Variants in SLC43A2 observed in about 807,000 individuals in gnomAD.
SLC43A2 encodes large neutral amino acids transporter small subunit 4.
SLC43A2 carries 38 observed loss-of-function variants against 63.2 expected under a neutral mutation model. The observed-to-expected ratio is 0.60, with a 90% CI of 0.46 to 0.79. The LOEUF (loss-of-function observed/expected upper bound fraction) is 0.79. Among genes scored for constraint, SLC43A2 ranks in the 30% least tolerant of loss-of-function variants. The pLI is 0.00. For synonymous variants in SLC43A2, 322 were observed against 331.0 expected, an observed-to-expected ratio of 0.97 and a Z score of 0.30; for missense variants, 644 against 756.2, an observed-to-expected ratio of 0.85 and a Z score of 1.74.
chr17:1,578,445 C>A lies in SLC43A2; in HGVS notation c.1351-122G>T. On this transcript the variant is annotated intron_variant, in intron 11 of 13. Transcript: ENST00000301335. This position sits in a 1 kb window ranked among gnomAD's most constrained non-coding sequence, Gnocchi z 6.5. The stretch of plus-strand genomic sequence containing the variant: ...GTGTCAGCCTGGAGTTGGATCAACC[C>A]CATCCTCCGGAGCCAATTGTGAATT... 1.2e-6 allele frequency: 1 copy of A among 858,128 alleles called. No individual in the cohort carries two copies. The highest frequency in any genetic ancestry group is 1.7e-5 in the South Asian group (1 of 57,278). 53.2% of individuals were successfully genotyped at this position (858,128 alleles called of 1,614,324 possible).
In SLC43A2 at chr17:1,570,493, T is replaced by C. The variant is rs1228136505; in HGVS notation, c.*5111A>G. The C allele has an allele frequency of 5.3e-5, 8 of 151,136 alleles. 1 individual carries two copies. Among genetic ancestry groups the C allele is most frequent in the Non-Finnish European group, 1.5e-5 (1 of 67,776 alleles). 9.4% of individuals were successfully genotyped at this position (151,136 alleles called of 1,614,324 possible). ...TGAAAACGATGCTACCATTGTTTTT[T>C]TTTTTTTTTTTGAGACGGAGTCTCG... On this transcript the variant is annotated 3_prime_UTR_variant, in exon 14 of 14. Coordinates refer to ENST00000301335, the MANE Select transcript of SLC43A2 (RefSeq NM_152346.3).
chr17:1,620,631 C>CG (rs935144398), intron 2 of SLC43A2, among the ~76,000 whole-genome samples: 8 of 152,058 alleles, frequency 5.3e-5, no homozygotes, highest in African/African-American at 1.9e-4. Flanking sequence ...GCAACAGAGG[C>CG]GCCTGGGGCC....
intron 9 of SLC43A2, among the ~76,000 whole-genome samples, chr17:1,588,628 C>G (rs1487961344): frequency 4.3e-5 from 6 of 140,316 alleles, no homozygotes; most frequent in African/African-American, 1.6e-4. Flanking sequence ...GCTCAGGAGT[C>G]GGAGGCCGTG....
At chr17:1,576,477 A>G in intron 13 of SLC43A2, 120 bp downstream of exon 13, 2 of 1,170,800 alleles carry the variant, frequency 1.7e-6, no homozygotes, top group Non-Finnish European at 2.4e-6. Context: ...CTCTTAACCA[A>G]TCCTAACCAA....
intron 11 of SLC43A2, among the ~76,000 whole-genome samples, chr17:1,580,373 C>T (rs914319893): frequency 1.3e-5 from 2 of 152,184 alleles, no homozygotes; most frequent in Non-Finnish European, 2.9e-5. Flanking sequence ...TGCTGACAGA[C>T]GTGTATGGGC....
intron 9 of SLC43A2, among the ~76,000 whole-genome samples, chr17:1,589,728 T>G (rs1242349122): frequency 6.6e-6 from 1 of 152,106 alleles, no homozygotes; most frequent in Non-Finnish European, 1.5e-5. Context: ...CAAGCAATTC[T>G]CTGCTTCAGC....
intron 1 of SLC43A2, 45 bp downstream of exon 1, chr17:1,628,749 C>G (rs1908929224): frequency 6.6e-6 from 1 of 152,296 alleles, no homozygotes; most frequent in Non-Finnish European, 1.5e-5. Context: ...GCTTCTGCCC[C>G]CGCGCCCTCG....
intron 2 of SLC43A2, among the ~76,000 whole-genome samples, chr17:1,618,480 C>T (rs1420684613): frequency 6.6e-6 from 1 of 152,162 alleles, no homozygotes; most frequent in Non-Finnish European, 1.5e-5. Flanking sequence ...TTGGAGGCTC[C>T]GGCGGGGAAT....
intron 5 of SLC43A2, among the ~76,000 whole-genome samples, chr17:1,603,512 C>T (rs141105339): frequency 1.6e-4 from 24 of 152,098 alleles, no homozygotes; most frequent in African/African-American, 5.1e-4. Context: ...AGGCCGGGCG[C>T]GGTGGCTCAC....
chr17:1,589,861 C>G (rs1360177733), intron 9 of SLC43A2, among the ~76,000 whole-genome samples: 1 of 152,174 alleles, frequency 6.6e-6, no homozygotes, highest in African/African-American at 2.4e-5. Context: ...CCTCATGATC[C>G]ACCTGCCTCA....
chr17:1,619,498 G>C (rs997952610), intron 2 of SLC43A2, among the ~76,000 whole-genome samples: 1 of 152,150 alleles, frequency 6.6e-6, no homozygotes, highest in Non-Finnish European at 1.5e-5. Flanking sequence ...CTTTCTCTCG[G>C]TTTTCCAAAA....
At chr17:1,627,657 G>T in intron 2 of SLC43A2, 58 bp downstream of exon 2, 2 of 292,160 alleles carry the variant, frequency 6.8e-6, no homozygotes, top group Non-Finnish European at 5.6e-6. Context: ...CCCCCATCCC[G>T]CCCCCTCCCA....
Position 1,578,193 on chromosome 17 carries a change from C to T in SLC43A2, c.1424+57G>A. 2 of 1,562,396 alleles carry T rather than the reference C, an allele frequency of 1.3e-6. No homozygotes were observed. The highest frequency in any genetic ancestry group is 1.4e-5 in the African/African-American group (1 of 74,044). ...GAGTCTCAGTCCCACCAGCAACCTC[C>T]CCCCGGCCATTCCCACACCCTCGCC... On this transcript the variant is annotated intron_variant, in intron 12 of 13. Coordinates refer to ENST00000301335, the MANE Select transcript of SLC43A2 (RefSeq NM_152346.3). This position sits in a 1 kb window ranked among gnomAD's most constrained non-coding sequence, Gnocchi z 6.5.
intron 5 of SLC43A2, among the ~76,000 whole-genome samples, chr17:1,601,378 T>C (rs1906003149): frequency 6.6e-6 from 1 of 151,956 alleles, no homozygotes; most frequent in Non-Finnish European, 1.5e-5. Flanking sequence ...GATCCCGAGA[T>C]GGCTAATAAG....
chr17:1,614,535 C>T (rs145433391), intron 4 of SLC43A2, among the ~76,000 whole-genome samples: 5 of 152,256 alleles, frequency 3.3e-5, no homozygotes, highest in Non-Finnish European at 7.4e-5. Flanking sequence ...TTTGGTGAAA[C>T]TCGAGTCCTC....
intron 2 of SLC43A2, among the ~76,000 whole-genome samples, chr17:1,627,301 C>T (rs1292526271): frequency 6.6e-6 from 1 of 152,198 alleles, no homozygotes; most frequent in African/African-American, 2.4e-5. Flanking sequence ...ACTTCCTCTC[C>T]TGCTGCACCC....
intron 9 of SLC43A2, among the ~76,000 whole-genome samples, chr17:1,587,226 G>A (rs2151039508): frequency 6.6e-6 from 1 of 152,350 alleles, no homozygotes; most frequent in Middle Eastern, 3.4e-3. Flanking sequence ...GTCTGCTGGT[G>A]CCGGGTCACA....
At chr17:1,569,263 C>T (rs576895996), downstream of SLC43A2, 1 of 152,426 alleles carries the variant, frequency 6.6e-6, no homozygotes, top group Admixed American at 6.5e-5. Flanking sequence ...GGAAGCCGCT[C>T]GCAGTCATTC....
intron 2 of SLC43A2, among the ~76,000 whole-genome samples, chr17:1,626,430 C>T (rs769620989): frequency 5.3e-5 from 8 of 152,106 alleles, no homozygotes; most frequent in Non-Finnish European, 8.8e-5. Flanking sequence ...TGCCAAGAAC[C>T]CTTAGGCTAT....
Sources: gnomAD v4.1 joint callset for allele counts (sites outside exome capture counted in the v4.1 genomes callset) on GRCh38, gnomAD v4.1.1 for gene constraint, Gnocchi (gnomAD v3.1) non-coding constraint, MANE v1.5 for transcripts, NCBI Gene and HGNC (gene_info 2026-07-23, HGNC 2026-07-21) for gene names.